ARPP21: variants seen among roughly 807,000 people sequenced by gnomAD.
ARPP21 encodes the protein cAMP-regulated phosphoprotein 21.
Under a neutral mutation model 113.2 loss-of-function variants are expected in ARPP21, and 69 were observed. The observed-to-expected ratio is 0.61, with a 90% CI of 0.50 to 0.74. The LOEUF (loss-of-function observed/expected upper bound fraction) is 0.74, where lower values mean the gene tolerates loss of function less well. ARPP21 is among the 30% of genes least tolerant of loss of function. ARPP21 has a pLI of 0.00. For missense variants in ARPP21, 1,070 were observed against 1,037.4 expected (o/e 1.03, Z -0.43); for synonymous variants, 368 against 375.5 (o/e 0.98, Z 0.23).
At chr3:35,680,783 T>A (rs2078665579) in intron 2 of ARPP21, 1 of 139,874 alleles carries the variant, frequency 7.1e-6, no homozygotes, top group South Asian at 2.5e-4. Flanking sequence ...TCCTCCTCCC[T>A]CCTTCTCTTT....
At chr3:35,663,919 G>A (rs1271802058) in intron 1 of ARPP21, among the ~76,000 whole-genome samples, 1 of 152,136 alleles carries the variant, frequency 6.6e-6, no homozygotes, top group Non-Finnish European at 1.5e-5. Context: ...CATTTAACAT[G>A]TTTGCTTTAG....
Position 35,738,213 on chromosome 3 carries a change from G to A in ARPP21, c.1645-1G>A, listed in dbSNP as rs1410706611. On this transcript the variant is annotated splice_acceptor_variant, in intron 16 of 20. Coordinates refer to ENST00000684406, the MANE Select transcript of ARPP21 (RefSeq NM_001385562.1). LOFTEE classifies it high-confidence loss of function. ...GCTGATCAATTTTTTCTTTCCTCCA[G>A]TCTGTCCAGGGGCTGCAGGCTTCCT... The A allele has an allele frequency of 5.2e-6, 8 of 1,530,742 alleles. No individual in the cohort carries two copies. The highest frequency in any genetic ancestry group is 7.0e-6 in the Non-Finnish European group (8 of 1,141,688). The allele number at this position is 1,530,742 out of a possible 1,614,324, so 94.8% of individuals were successfully genotyped here.
intron 19 of ARPP21, among the ~76,000 whole-genome samples, chr3:35,749,431 C>CAAAAAAAAAAAA (rs61007987): frequency 4.0e-5 from 4 of 100,806 alleles, no homozygotes; most frequent in Non-Finnish European, 6.1e-5. Context: ...TTCCTAAAAG[C>CAAAAAAAAAAAA]AAAAAAAAAA....
chr3:35,731,964 A>G (rs1450638141), intron 15 of ARPP21, among the ~76,000 whole-genome samples: 1 of 152,066 alleles, frequency 6.6e-6, no homozygotes, highest in Non-Finnish European at 1.5e-5. Flanking sequence ...ATTTTATTTT[A>G]TTTGTTGCTT....
Position 35,737,298 on chromosome 3 carries a change from C to T in ARPP21, c.1580C>T (p.Ser527Phe). The T allele has an allele frequency of 6.2e-7, 1 of 1,612,912 alleles. No homozygotes were observed. The highest frequency in any genetic ancestry group is 8.5e-7 in the Non-Finnish European group (1 of 1,179,186). The stretch of plus-strand genomic sequence containing the variant: ...CAGCAGCCACCACAGCAGCAGCCCT[C>T]CCCGCAGCCCCAACAGCAGGTCCAG... ...SQQQPPQQQP[S>F]PQPQQQVQPP... Residue 527 changes from serine (S) to phenylalanine (F), a missense_variant, in exon 16 of 21, where the codon TCC becomes TTC. Transcript: ENST00000684406.
chr3:35,772,178 G>A (rs892343182), intron 19 of ARPP21, among the ~76,000 whole-genome samples: 2 of 152,240 alleles, frequency 1.3e-5, no homozygotes, highest in East Asian at 3.9e-4. Flanking sequence ...GCATTTGTGG[G>A]CATCTGCTGA....
At chr3:35,673,455 C>T (rs1165248378) in intron 1 of ARPP21, among the ~76,000 whole-genome samples, 1 of 151,880 alleles carries the variant, frequency 6.6e-6, no homozygotes, top group Non-Finnish European at 1.5e-5. Flanking sequence ...TATGTTGATT[C>T]CTTTTTAAAA....
intron 9 of ARPP21, 46 bp downstream of exon 9, chr3:35,691,051 T>C (rs759717942): frequency 3.2e-6 from 5 of 1,559,880 alleles, no homozygotes; most frequent in Admixed American, 3.8e-5. Context: ...TTTTCTCCTA[T>C]GGATTCATTT....
At chr3:35,697,468 C>T (rs2084514902) in intron 9 of ARPP21, among the ~76,000 whole-genome samples, 1 of 151,588 alleles carries the variant, frequency 6.6e-6, no homozygotes, top group South Asian at 2.1e-4. Flanking sequence ...GGATGAGTAA[C>T]TGAGTTGGCT....
intron 17 of ARPP21, among the ~76,000 whole-genome samples, chr3:35,739,058 A>AT (rs1434700801): frequency 6.6e-6 from 1 of 152,180 alleles, no homozygotes; most frequent in African/African-American, 2.4e-5. Flanking sequence ...TGGAAAAATA[A>AT]TTTGTTTCCA....
Position 35,690,886 on chromosome 3 carries a change from T to C in ARPP21, c.567T>C (p.Pro189=). 1 of 1,609,660 alleles carries C rather than the reference T, an allele frequency of 6.2e-7. No homozygotes were observed. The highest frequency in any genetic ancestry group is 8.5e-7 in the Non-Finnish European group (1 of 1,177,598). Residue 189 remains proline, a synonymous_variant, in exon 9 of 21, where the codon CCT becomes CCC. Transcript: ENST00000684406. ...CTAGTAATCATTATAAAAAGTTCCCTCAGATGTCATCGTATCAGAGGATGC... is the reference window on the plus strand; with the variant it reads ...CTAGTAATCATTATAAAAAGTTCCCCCAGATGTCATCGTATCAGAGGATGC... ...ADNNNHYKKF[P]QMSSYQRMLV...
At position 35,729,319 on chromosome 3, in the gene ARPP21, C is replaced by T. The variant is rs932106872; in HGVS notation, c.1242C>T (p.Ser414=). Residue 414 remains serine, a synonymous_variant, in exon 15 of 21, where the codon AGC becomes AGT. Coordinates refer to ENST00000684406, the MANE Select transcript of ARPP21 (RefSeq NM_001385562.1). The part of the protein sequence containing the change: ...KLSKAGSESS[S]SAGSSGSLSR... ...CTATGCCAGGTTCCGAGTCTTCCAG[C>T]AGTGCAGGCTCCTCAGGATCGCTGT... The T allele has an allele frequency of 6.2e-7, 1 of 1,613,682 alleles. No individual in the cohort carries two copies. The highest frequency in any genetic ancestry group is 1.7e-5 in the Admixed American group (1 of 60,000).
chr3:35,749,431 CAAAA>C (rs61007987), intron 19 of ARPP21, among the ~76,000 whole-genome samples: 3 of 100,806 alleles, frequency 3.0e-5, no homozygotes, highest in African/African-American at 3.3e-5. Flanking sequence ...TTCCTAAAAG[CAAAA>C]AAAAAAAAAA....
chr3:35,683,689 A>C, intron 4 of ARPP21, 37 bp from the exon 5 acceptor site: 1 of 825,104 alleles, frequency 1.2e-6, no homozygotes, highest in Non-Finnish European at 2.1e-6. Flanking sequence ...TGTTTTCTTT[A>C]TTTTCCTTTC....
chr3:35,683,754 G>A lies in ARPP21; in HGVS notation c.200G>A (p.Arg67His), dbSNP rs755545725. ...KSGAGKGKLTRSLAVCEESSA... is the reference protein window; with the variant it reads ...KSGAGKGKLTHSLAVCEESSA... ...GGAGCAGGAAAAGGTAAACTGACTC[G>A]CAGCCTTGCTGTCTGTGAGGAATCT... The change falls in exon 5 of 21, where the codon CGC (arginine) becomes CAC (histidine). Residue 67 changes from arginine to histidine, a missense_variant. Arg to His is a conservative substitution (Grantham distance 29). Coordinates refer to ENST00000684406, the MANE Select transcript of ARPP21 (RefSeq NM_001385562.1). 4 of 1,495,642 alleles carry A rather than the reference G, an allele frequency of 2.7e-6. No homozygotes were observed. Among genetic ancestry groups the A allele is most frequent in the African/African-American group, 1.4e-5 (1 of 72,128 alleles). 92.6% of individuals were successfully genotyped at this position (1,495,642 alleles called of 1,614,324 possible).
intron 19 of ARPP21, among the ~76,000 whole-genome samples, chr3:35,786,898 T>C (rs1275561268): frequency 6.6e-6 from 1 of 152,184 alleles, no homozygotes; most frequent in Non-Finnish European, 1.5e-5. Flanking sequence ...CAGTGACTCC[T>C]CTTTCACCAA....
At position 35,747,918 on chromosome 3, in the gene ARPP21, AAAAG is replaced by A. The variant is rs944229799; in HGVS notation, c.2137+3960_2137+3963del. Among the ~76,000 whole-genome samples the A allele has an allele frequency of 8.0e-5, 12 of 150,442 alleles. No homozygotes were observed. In the South Asian group the frequency reaches 8.4e-4, roughly 11 times the overall value. On this transcript the variant is annotated intron_variant, in intron 19 of 20. Transcript: ENST00000684406. ...CAGAGCGAGGCCCTGTGAAAAAAGA[AAAAG>A]AAAGAAGGAGGAAAGAAAGAAAGAA... is the stretch of plus-strand genomic sequence containing the variant.
intron 14 of ARPP21, among the ~76,000 whole-genome samples, chr3:35,724,449 G>A (rs1240243834): frequency 6.6e-6 from 1 of 152,134 alleles, no homozygotes; most frequent in Non-Finnish European, 1.5e-5. Flanking sequence ...CTGAACTTTA[G>A]CTCCATCAGA....
chr3:35,742,829 G>A (rs1361374569), intron 18 of ARPP21, among the ~76,000 whole-genome samples: 1 of 152,154 alleles, frequency 6.6e-6, no homozygotes, highest in African/African-American at 2.4e-5. Flanking sequence ...TACTTCAGTT[G>A]TTATTTTAGA....
Sources: allele counts gnomAD v4.1 joint callset (sites outside exome capture counted in the v4.1 genomes callset), GRCh38; gene constraint gnomAD v4.1.1; transcripts MANE v1.5; gene names NCBI Gene and HGNC (gene_info 2026-07-23, HGNC 2026-07-21).